CORIN: variants seen among roughly 807,000 people sequenced by gnomAD.
CORIN encodes atrial natriuretic peptide-converting enzyme.
CORIN carries 117 observed loss-of-function variants against 125.3 expected under a neutral mutation model. The observed-to-expected ratio is 0.93, with a 90% CI of 0.80 to 1.09. The LOEUF (loss-of-function observed/expected upper bound fraction) is 1.09, where lower values mean the gene tolerates loss of function less well. Among genes scored for constraint, CORIN ranks in the 50% least tolerant of loss-of-function variants. CORIN has a pLI of 0.00. For missense variants in CORIN, 1,253 were observed against 1,306.7 expected (o/e 0.96, Z 0.63); for synonymous variants, 450 against 466.4 (o/e 0.96, Z 0.45).
At chr4:47,746,529 C>A (rs1459087866) in intron 4 of CORIN, among the ~76,000 whole-genome samples, 1 of 151,934 alleles carries the variant, frequency 6.6e-6, no homozygotes, top group Non-Finnish European at 1.5e-5. Context: ...GTCTTGAAAG[C>A]ACAACGCAAA....
At chr4:47,648,000 A>C (rs1349514972) in intron 13 of CORIN, among the ~76,000 whole-genome samples, 1 of 152,220 alleles carries the variant, frequency 6.6e-6, no homozygotes, top group East Asian at 1.9e-4. Flanking sequence ...CTCTTTTCTC[A>C]TAAAAGTTTG....
chr4:47,793,662 G>T (rs1413726677), intron 2 of CORIN, among the ~76,000 whole-genome samples: 1 of 152,146 alleles, frequency 6.6e-6, no homozygotes, highest in Non-Finnish European at 1.5e-5. Context: ...GAGAAACATA[G>T]GTTCTTCATT....
At chr4:47,619,501 A>G (rs1369342331) in intron 19 of CORIN, among the ~76,000 whole-genome samples, 4 of 152,236 alleles carry the variant, frequency 2.6e-5, no homozygotes, top group African/African-American at 9.6e-5. Flanking sequence ...ATTAGCCCAC[A>G]TTCAAGCAAA....
chr4:47,817,707 T>C (rs1026314248), intron 1 of CORIN, among the ~76,000 whole-genome samples: 1 of 152,210 alleles, frequency 6.6e-6, no homozygotes, highest in Non-Finnish European at 1.5e-5. Flanking sequence ...CAAATTCTAT[T>C]CCTCCTTATG....
chr4:47,614,371 A>G (rs1721991856), intron 19 of CORIN, among the ~76,000 whole-genome samples: 1 of 151,822 alleles, frequency 6.6e-6, no homozygotes, highest in Admixed American at 6.6e-5. Context: ...AATTTTTTCT[A>G]TTTTCAGTAG....
intron 3 of CORIN, among the ~76,000 whole-genome samples, chr4:47,783,832 T>C (rs1730662127): frequency 2.0e-5 from 3 of 152,124 alleles, no homozygotes; most frequent in African/African-American, 7.2e-5. Flanking sequence ...TATTTATTCA[T>C]TCAGCTAATA....
At chr4:47,820,778 C>T (rs1221426874) in intron 1 of CORIN, among the ~76,000 whole-genome samples, 1 of 151,976 alleles carries the variant, frequency 6.6e-6, no homozygotes, top group Non-Finnish European at 1.5e-5. Context: ...GTCAGTAGTC[C>T]CTGTCCTTAT....
intron 5 of CORIN, among the ~76,000 whole-genome samples, chr4:47,744,164 T>C (rs2109836589): frequency 6.6e-6 from 1 of 152,156 alleles, no homozygotes; most frequent in Non-Finnish European, 1.5e-5. Flanking sequence ...AAAACTAAGG[T>C]GATAGAAGTA....
intron 5 of CORIN, among the ~76,000 whole-genome samples, chr4:47,726,347 A>G (rs1042814533): frequency 6.6e-6 from 1 of 152,142 alleles, no homozygotes; most frequent in Non-Finnish European, 1.5e-5. Flanking sequence ...AGGTACAGCC[A>G]TACAATGGAA....
chr4:47,828,881 C>T (rs567414677), intron 1 of CORIN, among the ~76,000 whole-genome samples: 3 of 151,900 alleles, frequency 2.0e-5, no homozygotes, highest in Non-Finnish European at 2.9e-5. Flanking sequence ...AAGGTAGGCC[C>T]GGCGCGGTGG....
intron 16 of CORIN, among the ~76,000 whole-genome samples, chr4:47,630,406 T>C (rs1418015434): frequency 6.6e-6 from 1 of 152,198 alleles, no homozygotes; most frequent in Non-Finnish European, 1.5e-5. Flanking sequence ...ACTTAAATAA[T>C]TGAAACCGTT....
chr4:47,640,376 A>G lies in CORIN; in HGVS notation c.2198+1544T>C, dbSNP rs556045697. Among the ~76,000 whole-genome samples the G allele has an allele frequency of 7.2e-5, 11 of 152,292 alleles. No homozygotes were observed. In the East Asian group the frequency reaches 2.1e-3, roughly 29 times the overall value. On this transcript the variant is annotated intron_variant, in intron 16 of 21. Coordinates refer to ENST00000273857, the MANE Select transcript of CORIN (RefSeq NM_006587.4). ...ATTGAAAATGTGCTAAGTAAAAGAA[A>G]CCAGATGAAAAGGCCTCATGTTGTA...
intron 19 of CORIN, among the ~76,000 whole-genome samples, chr4:47,622,004 CCCA>C (rs1722336377): frequency 1.1e-5 from 1 of 92,456 alleles, no homozygotes; most frequent in African/African-American, 4.0e-5. Flanking sequence ...CCCCCCTCCC[CCCA>C]CCCCACAACA....
At chr4:47,662,282 C>T (rs1724285747) in intron 11 of CORIN, among the ~76,000 whole-genome samples, 1 of 152,146 alleles carries the variant, frequency 6.6e-6, no homozygotes, top group South Asian at 2.1e-4. Context: ...AGATCTCCCC[C>T]TCTGCAGACC....
intron 12 of CORIN, among the ~76,000 whole-genome samples, 161 bp from the exon 13 acceptor site, chr4:47,653,821 A>T (rs1440362370): frequency 6.6e-6 from 1 of 152,238 alleles, no homozygotes; most frequent in East Asian, 1.9e-4. Context: ...TCTGCCTGCC[A>T]ATCAGCATCT....
chr4:47,625,774 A>G (rs1348266639), intron 17 of CORIN, among the ~76,000 whole-genome samples: 1 of 152,174 alleles, frequency 6.6e-6, no homozygotes, highest in African/African-American at 2.4e-5. Flanking sequence ...AAAATATTGG[A>G]TAATCATCCA....
intron 2 of CORIN, among the ~76,000 whole-genome samples, chr4:47,805,102 C>A (rs1230752581): frequency 6.8e-6 from 1 of 146,168 alleles, no homozygotes; most frequent in African/African-American, 2.5e-5. Context: ...CGCCACTGCA[C>A]TCCAGCCTGG....
At chr4:47,818,038 C>G (rs997561127) in intron 1 of CORIN, among the ~76,000 whole-genome samples, 1 of 152,126 alleles carries the variant, frequency 6.6e-6, no homozygotes, top group African/African-American at 2.4e-5. Flanking sequence ...GAACACAACT[C>G]AATAAAACTT....
intron 3 of CORIN, among the ~76,000 whole-genome samples, chr4:47,781,441 A>G (rs943459482): frequency 6.6e-6 from 1 of 152,210 alleles, no homozygotes; most frequent in African/African-American, 2.4e-5. Flanking sequence ...CCAATATGTT[A>G]TTATAAAATA....
Sources: allele counts gnomAD v4.1 joint callset (sites outside exome capture counted in the v4.1 genomes callset), GRCh38; gene constraint gnomAD v4.1.1; transcripts MANE v1.5; gene names NCBI Gene and HGNC (gene_info 2026-07-23, HGNC 2026-07-21).